CRLF3: variants seen among roughly 807,000 people sequenced by gnomAD.
CRLF3 encodes cytokine receptor like factor 3, also known as cytokine receptor-like factor 3.
Under a neutral mutation model 55.0 loss-of-function variants are expected in CRLF3, and 33 were observed. The ratio of observed to expected loss-of-function variants is 0.60; its 90% CI spans 0.46 to 0.80. CRLF3 has a LOEUF of 0.80. CRLF3 is among the 30% of genes least tolerant of loss of function. CRLF3 has a pLI of 0.00. For synonymous variants in CRLF3, 238 were observed against 196.8 expected (o/e 1.21, Z -1.75); for missense variants, 494 against 538.4 (o/e 0.92, Z 0.82).
intron 1 of CRLF3, among the ~76,000 whole-genome samples, chr17:30,813,150 T>TA (rs1184759860): frequency 1.3e-5 from 2 of 152,018 alleles, no homozygotes; most frequent in Non-Finnish European, 2.9e-5. Context: ...ACAAATCATA[T>TA]AAAAAAATAC....
At chr17:30,822,474 C>T (rs528100484) in intron 1 of CRLF3, among the ~76,000 whole-genome samples, 35 of 152,250 alleles carry the variant, frequency 2.3e-4, no homozygotes, top group African/African-American at 7.2e-4. Flanking sequence ...TCAGTCTAGT[C>T]AGAAGGCAAT....
intron 6 of CRLF3, among the ~76,000 whole-genome samples, chr17:30,787,114 A>G (rs185717998): frequency 3.7e-4 from 57 of 152,126 alleles, no homozygotes; most frequent in Admixed American, 1.2e-3. Context: ...GGGATTACGG[A>G]GTGAGCCACC....
chr17:30,804,522 C>A (rs958120323), intron 1 of CRLF3, among the ~76,000 whole-genome samples: 1 of 152,224 alleles, frequency 6.6e-6, no homozygotes, highest in Non-Finnish European at 1.5e-5. Flanking sequence ...AAGCACCATT[C>A]TACTTTCTGC....
rs1222089729 is a variant in CRLF3, at chr17:30,803,934, C to T, written c.304G>A (p.Gly102Arg). The T allele has an allele frequency of 4.3e-6, 7 of 1,612,184 alleles. No homozygotes were observed. Among genetic ancestry groups the T allele is most frequent in the Non-Finnish European group, 5.1e-6 (6 of 1,179,960 alleles). ...LDDCQKLIEHGVNTAEDLVRE... is the reference protein window; with the variant it reads ...LDDCQKLIEHRVNTAEDLVRE... The stretch of plus-strand genomic sequence containing the variant: ...ACTAAGTCCTCTGCAGTGTTGACTC[C>T]GTGTTCTATGAGCTTCTGGCAGTCA... The change falls in exon 2 of 8, where the codon GGA (glycine) becomes AGA (arginine). Residue 102 changes from glycine (G) to arginine (R), a missense_variant. Physicochemically the swap from Gly to Arg is moderately radical, Grantham distance 125. Coordinates refer to ENST00000324238, the MANE Select transcript of CRLF3 (RefSeq NM_015986.4).
chr17:30,817,927 A>T (rs926897664), intron 1 of CRLF3, among the ~76,000 whole-genome samples: 1 of 147,978 alleles, frequency 6.8e-6, no homozygotes, highest in Non-Finnish European at 1.5e-5. Context: ...AAAAAAAAAA[A>T]GTTAACTGCA....
chr17:30,796,223 G>A lies in CRLF3; in HGVS notation c.540C>T (p.Arg180=), dbSNP rs1219672834. Residue 180 remains arginine (R), a synonymous_variant, in exon 4 of 8, where the codon CGC becomes CGT. Coordinates refer to ENST00000324238, the MANE Select transcript of CRLF3 (RefSeq NM_015986.4). ...TTAGTTCTTCTATCTGTACTGGTGGGCGAGATGCTACTGTTCCATGCTTAA... is the reference window on the plus strand; with the variant it reads ...TTAGTTCTTCTATCTGTACTGGTGGACGAGATGCTACTGTTCCATGCTTAA... The part of the protein sequence containing the change: ...HIFKHGTVAS[R]PPVQIEELIE... The A allele has an allele frequency of 2.5e-6, 4 of 1,613,814 alleles. No homozygotes were observed. The highest frequency in any genetic ancestry group is 3.4e-6 in the Non-Finnish European group (4 of 1,179,916).
In CRLF3 at chr17:30,784,400, G is replaced by A. The variant is rs759996220; in HGVS notation, c.1116C>T (p.Pro372=). ...VNGKEMTNQL[P]AVTSGSTVTF... ...TGACAGTGGACCCAGAAGTAACTGC[G>A]GGTAACTGATTTGTCATTTCTTTTC... The change falls in exon 8 of 8, where the codon CCC becomes CCT. Residue 372 remains proline, a synonymous_variant. Transcript: ENST00000324238. 33 of 1,613,386 alleles carry A rather than the reference G, an allele frequency of 2.0e-5. No homozygotes were observed. The highest frequency in any genetic ancestry group is 2.5e-5 in the Non-Finnish European group (29 of 1,179,506).
intron 1 of CRLF3, among the ~76,000 whole-genome samples, chr17:30,804,537 A>C (rs752584900): frequency 6.6e-6 from 1 of 152,184 alleles, no homozygotes; most frequent in Non-Finnish European, 1.5e-5. Flanking sequence ...TTCTGCTTCT[A>C]TGACTTCGAC....
At chr17:30,797,500 G>A (rs1971936397) in intron 2 of CRLF3, 102 bp from the exon 3 acceptor site, 1 of 844,718 alleles carries the variant, frequency 1.2e-6, no homozygotes, top group Admixed American at 2.0e-5. Context: ...TTGCAAATAA[G>A]TTCTTAAGTG....
chr17:30,798,158 T>G (rs982248599), intron 2 of CRLF3, among the ~76,000 whole-genome samples: 6 of 152,026 alleles, frequency 3.9e-5, no homozygotes, highest in Non-Finnish European at 7.4e-5. Flanking sequence ...GGCAGGTGGA[T>G]CACGAGGTCA....
intron 1 of CRLF3, among the ~76,000 whole-genome samples, chr17:30,808,750 G>A (rs1172086390): frequency 1.3e-5 from 2 of 151,448 alleles, no homozygotes; most frequent in African/African-American, 4.9e-5. Context: ...GCGCCACCAA[G>A]CCCAGCTAAT....
chr17:30,803,645 T>C, intron 2 of CRLF3: 1 of 430,546 alleles, frequency 2.3e-6, no homozygotes, highest in South Asian at 2.5e-5. Context: ...CTGTTCTTGG[T>C]AGTGAATAAC....
chr17:30,809,331 A>G (rs1300774314), intron 1 of CRLF3, among the ~76,000 whole-genome samples: 6 of 152,182 alleles, frequency 3.9e-5, no homozygotes, highest in Non-Finnish European at 1.5e-5. Flanking sequence ...CCATGGGATC[A>G]TTTTCTTTTC....
chr17:30,791,162 C>T (rs1597916265), intron 6 of CRLF3, among the ~76,000 whole-genome samples: 1 of 152,158 alleles, frequency 6.6e-6, no homozygotes, highest in East Asian at 1.9e-4. Context: ...CATTTGCCTC[C>T]CGGGTTCAAG....
intron 1 of CRLF3, among the ~76,000 whole-genome samples, chr17:30,817,673 C>T (rs562157174): frequency 5.3e-5 from 8 of 151,694 alleles, no homozygotes; most frequent in African/African-American, 1.7e-4. Flanking sequence ...TTTGGGAGGC[C>T]GAGGAAGGTG....
At chr17:30,790,848 C>T (rs1971782531) in intron 6 of CRLF3, 1 of 152,236 alleles carries the variant, frequency 6.6e-6, no homozygotes. Context: ...GATCTCCTGA[C>T]CTCGTGATCT....
rs1971590205 is a variant in CRLF3, at chr17:30,784,524, C to A, written c.1073-81G>T. 11 of 1,208,046 alleles carry A rather than the reference C, an allele frequency of 9.1e-6. No homozygotes were observed. The South Asian group carries it at 1.4e-4, about 16-fold the overall frequency. 74.8% of individuals were successfully genotyped at this position (1,208,046 alleles called of 1,614,324 possible). A position where few individuals can be genotyped will look rare whatever the true frequency, so the allele number is the denominator to read the frequency against. Reference sequence around the variant, plus strand: ...AATAGTTTCTAGATTACTGGTAACACAGCTCATTTCCTAATTCAGATTTTA... The same window carrying A: ...AATAGTTTCTAGATTACTGGTAACAAAGCTCATTTCCTAATTCAGATTTTA... On this transcript the variant is annotated intron_variant, in intron 7 of 7. Transcript: ENST00000324238.
In CRLF3 at chr17:30,804,161, C is replaced by G; in HGVS notation, c.130-53G>C. The G allele has an allele frequency of 6.9e-6, 9 of 1,301,884 alleles. No homozygotes were observed. The South Asian group carries it at 8.5e-5, about 12-fold the overall frequency. 80.6% of individuals were successfully genotyped at this position (1,301,884 alleles called of 1,614,324 possible). On this transcript the variant is annotated intron_variant, in intron 1 of 7. Transcript: ENST00000324238. The stretch of plus-strand genomic sequence containing the variant: ...ATCAGAATCTTTAAAAAAGGCTAAT[C>G]CAAAGGTATAATTCACATGAATCTA...
At chr17:30,815,541 CTTTTTTT>C (rs57194440) in intron 1 of CRLF3, among the ~76,000 whole-genome samples, 2 of 116,414 alleles carry the variant, frequency 1.7e-5, no homozygotes, top group African/African-American at 3.4e-5. Flanking sequence ...CTAGTTTCTT[CTTTTTTT>C]TTTTTTTTTT....
Sources: allele counts gnomAD v4.1 joint callset (sites outside exome capture counted in the v4.1 genomes callset), GRCh38; gene constraint gnomAD v4.1.1; transcripts MANE v1.5; gene names NCBI Gene and HGNC (gene_info 2026-07-23, HGNC 2026-07-21).